Variants in DOCK5 observed in about 807,000 individuals in gnomAD.
DOCK5 encodes dedicator of cytokinesis 5, also known as dedicator of cytokinesis protein 5.
DOCK5 carries 142 observed loss-of-function variants against 251.8 expected under a neutral mutation model. The observed-to-expected ratio is 0.56, with a 90% confidence interval of 0.49 to 0.65. The LOEUF is 0.65. Among genes scored for constraint, DOCK5 ranks in the 30% least tolerant of loss-of-function variants. The probability of loss-of-function intolerance (pLI) is 0.00; values close to 1 mark genes in which losing one functional copy is unlikely to be tolerated. For missense variants in DOCK5, 2,111 were observed against 2,312.3 expected (o/e 0.91, Z 1.79); for synonymous variants, 842 against 835.5 (o/e 1.01, Z -0.13).
chr8:25,199,626 T>G (rs954086411), intron 1 of DOCK5, among the ~76,000 whole-genome samples: 6 of 152,112 alleles, frequency 3.9e-5, no homozygotes, highest in Non-Finnish European at 8.8e-5. Context: ...CAGGTGATCC[T>G]CCCGCCTTGG....
chr8:25,359,061 C>G lies in DOCK5; in HGVS notation c.2949C>G (p.Ile983Met), dbSNP rs142002799. Residue 983 changes from isoleucine (I) to methionine (M), a missense_variant and splice_region_variant, in exon 28 of 52, where the codon ATC (isoleucine) becomes ATG (methionine). Physicochemically the swap from Ile to Met is conservative, Grantham distance 10. Around this residue, in one of 3 missense-constraint regions of DOCK5, gnomAD observed 1,717 missense variants for 1,892.4 expected, o/e 0.91. Coordinates refer to ENST00000276440, the MANE Select transcript of DOCK5 (RefSeq NM_024940.8). Reference sequence around the variant, plus strand: ...CTTTCAAAACCAGACAAGACATCATCGTAAGTTGCCTTTACTGGTCCTGGT... The same window carrying G: ...CTTTCAAAACCAGACAAGACATCATGGTAAGTTGCCTTTACTGGTCCTGGT... ...ISTFKTRQDI[I>M]DFLMETFIMF... The G allele has an allele frequency of 3.7e-6, 6 of 1,613,320 alleles. No individual in the cohort carries two copies. The highest frequency in any genetic ancestry group is 5.1e-6 in the Non-Finnish European group (6 of 1,179,304).
chr8:25,324,133 TG>T (rs2117205161), intron 17 of DOCK5, among the ~76,000 whole-genome samples, 182 bp downstream of exon 17: 1 of 152,314 alleles, frequency 6.6e-6, no homozygotes, highest in South Asian at 2.1e-4. Context: ...ACCTGCTTTC[TG>T]GAGAGAGTGA....
chr8:25,396,908 A>G (rs1263030639), intron 45 of DOCK5, among the ~76,000 whole-genome samples: 2 of 152,008 alleles, frequency 1.3e-5, no homozygotes, highest in Non-Finnish European at 2.9e-5. Context: ...TGAGCTCCAT[A>G]TATCTGCAAA....
Position 25,197,750 on chromosome 8 carries a change from AT to A in DOCK5, c.43+12817del, listed in dbSNP as rs71214555. Reference sequence around the variant, plus strand: ...AGGTACATGCAACCATGCCAAGCTAATTTTTTTTTTTTTTTTTTGAGACGGA... The same window carrying A: ...AGGTACATGCAACCATGCCAAGCTAATTTTTTTTTTTTTTTTTGAGACGGA... On this transcript the variant is annotated intron_variant, in intron 1 of 51. Transcript: ENST00000276440. 4.7e-3 allele frequency among the ~76,000 whole-genome samples: 451 copies of A among 95,764 alleles called. 4 individuals carry two copies. Among genetic ancestry groups the A allele is most frequent in the African/African-American group, 7.9e-3 (215 of 27,200 alleles). The allele number at this position is 95,764 out of a possible 152,430, so 62.8% of individuals were successfully genotyped here.
intron 13 of DOCK5, among the ~76,000 whole-genome samples, chr8:25,315,938 GGTGGCAGTTTAATATA>G (rs1805237642): frequency 6.6e-6 from 1 of 152,182 alleles, no homozygotes; most frequent in East Asian, 1.9e-4. Context: ...TTTTACATTG[GGTGGCAGTTTAATATA>G]GTGCAGGTGT....
chr8:25,395,631 ACCGGTCCCTCTCTGT>A lies in DOCK5; in HGVS notation c.4617_4631del (p.Asp1539_Val1544delinsGlu). ...AACTGTGTTCAGCAGCATGCCTGGG[ACCGGTCCCTCTCTGT>A]GCACCCTCTCTCCATGCTGCTCAGT... On this transcript the variant is annotated inframe_deletion, in exon 45 of 52. Transcript: ENST00000276440. 3.1e-6 allele frequency: 5 copies of A among 1,613,392 alleles called. No homozygotes were observed. Among genetic ancestry groups the A allele is most frequent in the Non-Finnish European group, 4.2e-6 (5 of 1,179,750 alleles).
chr8:25,208,132 A>T (rs777891598), intron 1 of DOCK5, among the ~76,000 whole-genome samples: 18 of 152,248 alleles, frequency 1.2e-4, no homozygotes, highest in Non-Finnish European at 2.2e-4. Context: ...TGAAGATGTG[A>T]GAATTGCTGC....
chr8:25,208,357 T>A (rs983424704), intron 1 of DOCK5, among the ~76,000 whole-genome samples: 1 of 152,222 alleles, frequency 6.6e-6, no homozygotes, highest in Non-Finnish European at 1.5e-5. Context: ...GGTGAAATAC[T>A]ATGAAATGCT....
At chr8:25,335,412 C>T (rs183205839) in intron 21 of DOCK5, among the ~76,000 whole-genome samples, 30 of 152,032 alleles carry the variant, frequency 2.0e-4, no homozygotes, top group Non-Finnish European at 3.4e-4. Flanking sequence ...AATAATAATT[C>T]GGCCGAGTGC....
Position 25,184,934 on chromosome 8 carries a change from G to T in DOCK5, c.26G>T (p.Arg9Met). Residue 9 changes from arginine (R) to methionine (M), a missense_variant, in exon 1 of 52, where the codon AGG becomes ATG. Coordinates refer to ENST00000276440, the MANE Select transcript of DOCK5 (RefSeq NM_024940.8). MARWIPTK[R>M]QKYGVAIYNY... ...ATGGCCCGCTGGATCCCGACCAAGAGGCAGAAGTACGGGGTTGGTGAGTGC... is the reference window on the plus strand; with the variant it reads ...ATGGCCCGCTGGATCCCGACCAAGATGCAGAAGTACGGGGTTGGTGAGTGC... 1 of 1,444,560 alleles carries T rather than the reference G, an allele frequency of 6.9e-7. No homozygotes were observed. The highest frequency in any genetic ancestry group is 2.0e-4 in the Middle Eastern group (1 of 5,080). The allele number at this position is 1,444,560 out of a possible 1,614,324, so 89.5% of individuals were successfully genotyped here.
chr8:25,213,853 C>T (rs1802163841), intron 1 of DOCK5, among the ~76,000 whole-genome samples: 1 of 152,088 alleles, frequency 6.6e-6, no homozygotes, highest in South Asian at 2.1e-4. Context: ...GAGGTTGATG[C>T]TTTGATTAGT....
intron 1 of DOCK5, among the ~76,000 whole-genome samples, chr8:25,224,006 T>C (rs1563314064): frequency 6.6e-6 from 1 of 152,236 alleles, no homozygotes; most frequent in Non-Finnish European, 1.5e-5. Context: ...CAAGGCTAAA[T>C]TGCACTCAGT....
chr8:25,196,898 G>A (rs1348267855), intron 1 of DOCK5, among the ~76,000 whole-genome samples: 2 of 152,168 alleles, frequency 1.3e-5, no homozygotes, highest in Non-Finnish European at 2.9e-5. Context: ...CACACAGTTT[G>A]TTCTTCACTA....
chr8:25,332,335 G>T lies in DOCK5; in HGVS notation c.1988G>T (p.Gly663Val). The T allele has an allele frequency of 6.2e-7, 1 of 1,612,972 alleles. No individual in the cohort carries two copies. Among genetic ancestry groups the T allele is most frequent in the Non-Finnish European group, 8.5e-7 (1 of 1,179,224 alleles). ...AAGAAGTTAATGGAAGTGGATGGAG[G>T]AGAGATTGTTAAGGTATGTTTATAT... ...NLKKLMEVDG[G>V]EIVKFLQDTL... The change falls in exon 19 of 52, where the codon GGA (glycine) becomes GTA (valine). Residue 663 changes from glycine to valine, a missense_variant. Gly to Val is a moderately radical substitution (Grantham distance 109). Around this residue, in one of 3 missense-constraint regions of DOCK5, gnomAD observed 1,717 missense variants for 1,892.4 expected, o/e 0.91. Transcript: ENST00000276440.
At position 25,210,046 on chromosome 8, in the gene DOCK5, G is replaced by GAAAAAAA. The variant is rs1563309195; in HGVS notation, c.43+25095_43+25096insAAAAAAA. 5.6e-4 allele frequency among the ~76,000 whole-genome samples: 12 copies of GAAAAAAA among 21,472 alleles called. 1 individual carries two copies. The highest frequency in any genetic ancestry group is 2.3e-3 in the African/African-American group (11 of 4,732). 14.1% of individuals were successfully genotyped at this position (21,472 alleles called of 152,430 possible). ...TATATATATATATAAATGTGTGTGT[G>GAAAAAAA]TGTGTGTGTGTGTGTGTGTGTGTAT... On this transcript the variant is annotated intron_variant, in intron 1 of 51. Transcript: ENST00000276440.
intron 9 of DOCK5, 118 bp from the exon 10 acceptor site, chr8:25,302,207 T>A: frequency 3.6e-5 from 47 of 1,309,164 alleles, no homozygotes; most frequent in East Asian, 1.1e-4. Context: ...GTTCTAATAC[T>A]TCAGCATTGA....
intron 3 of DOCK5, 129 bp downstream of exon 3, chr8:25,269,014 C>A (rs1262087392): frequency 3.9e-6 from 3 of 776,616 alleles, no homozygotes; most frequent in Non-Finnish European, 6.0e-6. Flanking sequence ...GATGGCTCTT[C>A]TTTGGATTTG....
At chr8:25,350,565 G>C (rs1404919783) in intron 26 of DOCK5, among the ~76,000 whole-genome samples, 1 of 152,194 alleles carries the variant, frequency 6.6e-6, no homozygotes, top group Non-Finnish European at 1.5e-5. Context: ...GTATTAGTCT[G>C]CTCAGTCAGT....
chr8:25,277,419 G>C (rs1804072369), intron 4 of DOCK5: 1 of 152,158 alleles, frequency 6.6e-6, no homozygotes, highest in Non-Finnish European at 1.5e-5. Context: ...AGTTCAAAAG[G>C]ATTCCAAAAC....
Sources: gnomAD v4.1 joint callset for allele counts (sites outside exome capture counted in the v4.1 genomes callset) on GRCh38, gnomAD v4.1.1 for gene constraint, gnomAD v4.1.1 regional missense constraint, MANE v1.5 for transcripts, NCBI Gene and HGNC (gene_info 2026-07-23, HGNC 2026-07-21) for gene names.